JAKMIP3: variants seen among roughly 807,000 people sequenced by gnomAD.
JAKMIP3 encodes janus kinase and microtubule-interacting protein 3.
A neutral mutation model predicts 118.5 loss-of-function variants in JAKMIP3; 58 were observed. The observed-to-expected ratio is 0.49, with a 90% CI of 0.40 to 0.61. The LOEUF (loss-of-function observed/expected upper bound fraction) is 0.61. Ranked by LOEUF, JAKMIP3 falls within the 20% of genes least tolerant of loss-of-function variation. The probability of loss-of-function intolerance (pLI) is 0.00; values close to 1 mark genes in which losing one functional copy is unlikely to be tolerated. For synonymous variants in JAKMIP3, 486 were observed against 451.2 expected (o/e 1.08, Z -0.98); for missense variants, 950 against 1,109.0 (o/e 0.86, Z 2.04).
At chr10:132,100,966 G>A (rs1051646011) in intron 1 of JAKMIP3, among the ~76,000 whole-genome samples, 1 of 152,076 alleles carries the variant, frequency 6.6e-6, no homozygotes, top group Non-Finnish European at 1.5e-5. Context: ...ATCCCTGCTC[G>A]TTTTCATAAG....
intron 19 of JAKMIP3, among the ~76,000 whole-genome samples, chr10:132,160,031 A>G (rs565744685): frequency 7.4e-4 from 12 of 16,234 alleles, no homozygotes; most frequent in African/African-American, 1.4e-3. Flanking sequence ...GATGCTGGGG[A>G]GCCTCTTCCT....
At chr10:132,055,092 G>A (rs1416222883) in intron 1 of JAKMIP3, among the ~76,000 whole-genome samples, 1 of 152,156 alleles carries the variant, frequency 6.6e-6, no homozygotes, top group Non-Finnish European at 1.5e-5. Flanking sequence ...TAGGGCTGCT[G>A]GGGTTGGTTT....
chr10:132,132,884 C>T lies in JAKMIP3; in HGVS notation c.634-428C>T, dbSNP rs1401831215. ...CTGCCTGTTTAGGGAAGAAACTTGG[C>T]CGTGGCACCTTCCTATTGGCAGAGT... On this transcript the variant is annotated intron_variant, in intron 3 of 23. Coordinates refer to ENST00000684848, the MANE Select transcript of JAKMIP3 (RefSeq NM_001323087.2). Among the ~76,000 whole-genome samples the T allele has an allele frequency of 2.0e-5, 3 of 152,224 alleles. No individual in the cohort carries two copies. In the East Asian group the frequency reaches 5.8e-4, roughly 29 times the overall value.
chr10:132,171,407 T>C lies in JAKMIP3; in HGVS notation c.*1103+2374T>C, dbSNP rs1006990851. Among the ~76,000 whole-genome samples, 19 of 152,356 alleles carry C rather than the reference T, an allele frequency of 1.2e-4. 1 individual carries two copies. The highest frequency in any genetic ancestry group is 1.0e-4 in the Non-Finnish European group (7 of 68,042). On this transcript the variant is annotated intron_variant, in intron 23 of 23. Coordinates refer to ENST00000684848, the MANE Select transcript of JAKMIP3 (RefSeq NM_001323087.2). ...CTCACCCACAGCCCGGCAGGTGCAC[T>C]GTGCGCCCTGCTCTGTGGTAGAGGA...
rs1053083620 is a variant in JAKMIP3, at chr10:132,153,127, G to A, written c.2073+104G>A. On this transcript the variant is annotated intron_variant, in intron 17 of 23. Transcript: ENST00000684848. The stretch of plus-strand genomic sequence containing the variant: ...TCTCGGGAGGAGGGCCTGCAGGGCC[G>A]GGTTTGGGGGGTCCACTAAGCCCCG... The A allele has an allele frequency of 3.9e-5, 34 of 879,134 alleles. 1 individual carries two copies. The highest frequency in any genetic ancestry group is 3.0e-4 in the South Asian group (20 of 67,714). 54.5% of individuals were successfully genotyped at this position (879,134 alleles called of 1,614,324 possible). A position where few individuals can be genotyped will look rare whatever the true frequency, so the allele number is the denominator to read the frequency against.
At chr10:132,137,332 A>G (rs773877534) in intron 8 of JAKMIP3, 43 bp downstream of exon 8, 5 of 1,611,432 alleles carry the variant, frequency 3.1e-6, no homozygotes, top group Admixed American at 1.7e-5. Flanking sequence ...TCCGCTCCCC[A>G]CGCAGTTGCC....
At chr10:132,054,442 G>A (rs2038182209) in intron 1 of JAKMIP3, among the ~76,000 whole-genome samples, 1 of 152,150 alleles carries the variant, frequency 6.6e-6, no homozygotes, top group Non-Finnish European at 1.5e-5. Flanking sequence ...TCACCTGCAG[G>A]GGTGCAGGCC....
chr10:132,166,197 G>A (rs77590903), intron 21 of JAKMIP3, among the ~76,000 whole-genome samples: 16,689 of 151,974 alleles, frequency 0.11, 1,248 homozygotes, highest in Non-Finnish European at 0.15. Flanking sequence ...ATGGTGGCAC[G>A]TGCCTATAAT....
chr10:132,115,266 C>T (rs904319479), intron 2 of JAKMIP3, among the ~76,000 whole-genome samples: 4 of 101,048 alleles, frequency 4.0e-5, no homozygotes, highest in East Asian at 2.1e-4. Flanking sequence ...GGTGGGTCAC[C>T]GCGATCGCGG....
intron 9 of JAKMIP3, 74 bp from the exon 10 acceptor site, chr10:132,140,377 C>T (rs566547846): frequency 2.0e-5 from 32 of 1,590,280 alleles, no homozygotes; most frequent in Admixed American, 6.8e-5. Flanking sequence ...CGTTGGGCAG[C>T]GGGAGGAGGC....
intron 11 of JAKMIP3, among the ~76,000 whole-genome samples, chr10:132,142,411 C>T (rs1463987690): frequency 7.9e-5 from 12 of 152,190 alleles, no homozygotes; most frequent in Non-Finnish European, 1.6e-4. Context: ...GTGGCAGCAT[C>T]GAGCTCGGTG....
intron 11 of JAKMIP3, 71 bp from the exon 12 acceptor site, chr10:132,145,036 C>T: frequency 7.7e-7 from 1 of 1,290,442 alleles, no homozygotes. Flanking sequence ...CTTCTGACGT[C>T]CCACGAGTGT....
intron 1 of JAKMIP3, among the ~76,000 whole-genome samples, chr10:132,077,432 G>T (rs1368910175): frequency 6.6e-6 from 1 of 152,164 alleles, no homozygotes; most frequent in Non-Finnish European, 1.5e-5. Flanking sequence ...GCCACAGGGG[G>T]CCCGAAGAGT....
chr10:132,073,599 C>T (rs1564868593), intron 1 of JAKMIP3, among the ~76,000 whole-genome samples: 3 of 151,442 alleles, frequency 2.0e-5, no homozygotes, highest in South Asian at 2.1e-4. Flanking sequence ...CGGGCTCAAG[C>T]GATTCTCCTA....
chr10:132,060,174 C>T (rs1248886734), upstream of JAKMIP3, among the ~76,000 whole-genome samples: 1 of 152,174 alleles, frequency 6.6e-6, no homozygotes, highest in Non-Finnish European at 1.5e-5. Context: ...TCTGTTTCCA[C>T]TAACTCTGGG....
At chr10:132,043,751 C>T (rs565520450) in intron 1 of JAKMIP3, among the ~76,000 whole-genome samples, 80 of 152,278 alleles carry the variant, frequency 5.3e-4, no homozygotes, top group African/African-American at 1.9e-3. Context: ...AGCCCTGGCT[C>T]TTCATCAGCT....
intron 2 of JAKMIP3, among the ~76,000 whole-genome samples, chr10:132,108,369 G>C (rs986156190): frequency 6.6e-6 from 1 of 152,100 alleles, no homozygotes; most frequent in East Asian, 1.9e-4. Context: ...TGCCAGTCCC[G>C]GGGGACAGTG....
intron 5 of JAKMIP3, 25 bp downstream of exon 5, chr10:132,135,185 C>T (rs2637644): frequency 0.45 from 707,866 of 1,578,082 alleles, 165,428 homozygotes; most frequent in Non-Finnish European, 0.49. Context: ...GGGCTTCTGG[C>T]TCCTGGGGGT....
At chr10:132,124,525 C>T (rs1480319463) in intron 3 of JAKMIP3, among the ~76,000 whole-genome samples, 2 of 149,900 alleles carry the variant, frequency 1.3e-5, no homozygotes, top group African/African-American at 4.9e-5. Flanking sequence ...CCCACCCCGG[C>T]ACATCACAGC....
Sources: allele counts gnomAD v4.1 joint callset (sites outside exome capture counted in the v4.1 genomes callset), GRCh38; gene constraint gnomAD v4.1.1; transcripts MANE v1.5; gene names NCBI Gene and HGNC (gene_info 2026-07-23, HGNC 2026-07-21).